UBXN4: variants seen among roughly 807,000 people sequenced by gnomAD.
UBXN4 encodes UBX domain protein 4, also known as UBX domain-containing protein 4.
Under a neutral mutation model 66.2 loss-of-function variants are expected in UBXN4, and 35 were observed. The ratio of observed to expected loss-of-function variants is 0.53; its 90% confidence interval spans 0.40 to 0.70. The LOEUF is 0.70. Among genes scored for constraint, UBXN4 ranks in the 30% least tolerant of loss-of-function variants. The probability of loss-of-function intolerance (pLI) is 0.00; values close to 1 mark genes in which losing one functional copy is unlikely to be tolerated. For missense variants in UBXN4, 533 were observed against 599.8 expected, an observed-to-expected ratio of 0.89 and a Z score of 1.16; for synonymous variants, 203 against 204.5, an observed-to-expected ratio of 0.99 and a Z score of 0.06.
chr2:135,754,271 C>A lies in UBXN4; in HGVS notation c.327C>A (p.Val109=). Reference sequence around the variant, plus strand: ...AACTTGTTACAAGAATTCACAAGGTCCGACAGGTAAGAAGGAACAGAACTG... The same window carrying A: ...AACTTGTTACAAGAATTCACAAGGTACGACAGGTAAGAAGGAACAGAACTG... ...ADELVTRIHK[V]RQMHLLKSET... Residue 109 remains valine (V), a synonymous_variant, in exon 4 of 13, where the codon GTC becomes GTA. Transcript: ENST00000272638. 1 of 1,611,538 alleles carries A rather than the reference C, an allele frequency of 6.2e-7. No individual in the cohort carries two copies. The highest frequency in any genetic ancestry group is 1.3e-5 in the African/African-American group (1 of 74,950).
chr2:135,780,235 C>T lies in UBXN4; in HGVS notation c.1238C>T (p.Thr413Ile). The T allele has an allele frequency of 6.2e-7, 1 of 1,614,060 alleles. No individual in the cohort carries two copies. Among genetic ancestry groups the T allele is most frequent in the Non-Finnish European group, 8.5e-7 (1 of 1,180,012 alleles). ...CACTCTTCCAGCGGAGACATTTGGA[C>T]CTTGTTGGGAACAGTGCTTTATCCA... ...IVHSSSGDIWTLLGTVLYPFL... is the reference protein window; with the variant it reads ...IVHSSSGDIWILLGTVLYPFL... The change falls in exon 12 of 13, where the codon ACC becomes ATC. Residue 413 changes from threonine to isoleucine, a missense_variant. By Grantham distance (89) the Thr-to-Ile change is moderately conservative (BLOSUM62 -1). Transcript: ENST00000272638.
intron 5 of UBXN4, among the ~76,000 whole-genome samples, chr2:135,758,415 A>G (rs181780312): frequency 1.3e-4 from 20 of 151,652 alleles, no homozygotes; most frequent in African/African-American, 3.1e-4. Context: ...GGGTCTCACT[A>G]TGTTGCTTAG....
chr2:135,779,167 G>A (rs1003475502), intron 11 of UBXN4, 88 bp downstream of exon 11: 21 of 1,357,576 alleles, frequency 1.5e-5, no homozygotes, highest in Admixed American at 5.3e-5. Context: ...GAAAGGAAGT[G>A]CACAGATATA....
intron 2 of UBXN4, among the ~76,000 whole-genome samples, chr2:135,749,415 A>G (rs955250104): frequency 2.6e-5 from 4 of 152,198 alleles, no homozygotes; most frequent in Admixed American, 1.3e-4. Flanking sequence ...CATCTTTTAA[A>G]AAAATTTTTG....
At chr2:135,756,045 G>C (rs898129351) in intron 5 of UBXN4, among the ~76,000 whole-genome samples, 2 of 152,108 alleles carry the variant, frequency 1.3e-5, no homozygotes, top group Non-Finnish European at 2.9e-5. Context: ...ATTTGGAATT[G>C]TTTCTATAAC....
At chr2:135,764,167 A>T (rs1208237540) in intron 6 of UBXN4, among the ~76,000 whole-genome samples, 4 of 152,138 alleles carry the variant, frequency 2.6e-5, no homozygotes, top group Admixed American at 2.6e-4. Flanking sequence ...AGCAGGATGG[A>T]TTAGCAAATG....
chr2:135,748,853 G>C (rs1352939358), intron 2 of UBXN4, among the ~76,000 whole-genome samples: 2 of 151,698 alleles, frequency 1.3e-5, no homozygotes, highest in African/African-American at 4.8e-5. Flanking sequence ...AACACAGTGA[G>C]ACCTTGTCTC....
At chr2:135,745,875 C>CTTTTTATTTTTTTTTT (rs2077204367) in intron 1 of UBXN4, among the ~76,000 whole-genome samples, 1 of 74,396 alleles carries the variant, frequency 1.3e-5, no homozygotes, top group Non-Finnish European at 2.3e-5. Flanking sequence ...GTCCCGTTTA[C>CTTTTTATTTTTTTTTT]TTTTTTTTTT....
intron 2 of UBXN4, among the ~76,000 whole-genome samples, chr2:135,749,637 T>G (rs1454309899): frequency 6.6e-6 from 1 of 152,212 alleles, no homozygotes; most frequent in Non-Finnish European, 1.5e-5. Flanking sequence ...AGTATAAGTA[T>G]TGTTAATTTT....
In UBXN4 at chr2:135,753,549, C is replaced by T. The variant is rs745864204; in HGVS notation, c.196C>T (p.Leu66=). 47 of 1,528,044 alleles carry T rather than the reference C, an allele frequency of 3.1e-5. No homozygotes were observed. The highest frequency in any genetic ancestry group is 1.7e-4 in the Middle Eastern group (1 of 5,844). 94.7% of individuals were successfully genotyped at this position (1,528,044 alleles called of 1,614,324 possible). The change falls in exon 3 of 13, where the codon CTA becomes TTA. Residue 66 remains leucine (L), a synonymous_variant. Coordinates refer to ENST00000272638, the MANE Select transcript of UBXN4 (RefSeq NM_014607.4). ...IKIDTKSEAC[L]QFSQIYPVVC... ...GATTTTGTTTTACAGTGAAGCCTGC[C>T]TACAGTTTTCACAAATCTGTATCCT...
intron 6 of UBXN4, among the ~76,000 whole-genome samples, chr2:135,762,893 T>C (rs2077323814): frequency 6.6e-6 from 1 of 152,070 alleles, no homozygotes. Flanking sequence ...GAAGTGAAAA[T>C]AAAAAATCTG....
chr2:135,759,538 T>G (rs1039139696), intron 5 of UBXN4, among the ~76,000 whole-genome samples: 3 of 152,154 alleles, frequency 2.0e-5, no homozygotes, highest in Admixed American at 1.3e-4. Context: ...CTCTATCCCC[T>G]TTATTCCTCT....
At chr2:135,750,538 T>A (rs973372312) in intron 2 of UBXN4, among the ~76,000 whole-genome samples, 3 of 152,082 alleles carry the variant, frequency 2.0e-5, no homozygotes, top group Non-Finnish European at 4.4e-5. Flanking sequence ...AAAAAATAAA[T>A]TCAGAAATTT....
chr2:135,752,733 T>C (rs1262081106), intron 2 of UBXN4, among the ~76,000 whole-genome samples: 3 of 152,194 alleles, frequency 2.0e-5, no homozygotes, highest in Admixed American at 1.3e-4. Flanking sequence ...TAGTTCTTTC[T>C]CTTTTGAGAT....
At chr2:135,770,078 G>A (rs528209280) in intron 7 of UBXN4, among the ~76,000 whole-genome samples, 1 of 152,070 alleles carries the variant, frequency 6.6e-6, no homozygotes, top group African/African-American at 2.4e-5. Flanking sequence ...AAGAATAAAG[G>A]GACTTGAGCT....
chr2:135,770,813 C>G (rs1278478247), intron 8 of UBXN4, 78 bp downstream of exon 8: 10 of 1,278,952 alleles, frequency 7.8e-6, no homozygotes, highest in Non-Finnish European at 1.0e-5. Flanking sequence ...AGACTGTGCA[C>G]ACAAAAATAG....
Position 135,783,913 on chromosome 2 carries a change from CAG to C in UBXN4, c.*1027_*1028del, listed in dbSNP as rs1399640473. 3.3e-5 allele frequency: 5 copies of C among 152,150 alleles called. No homozygotes were observed. The highest frequency in any genetic ancestry group is 7.2e-5 in the African/African-American group (3 of 41,438). The allele number at this position is 152,150 out of a possible 1,614,324, so 9.4% of individuals were successfully genotyped here. A position where few individuals can be genotyped will look rare whatever the true frequency, so the allele number is the denominator to read the frequency against. ...CCGCTAAACTAATGATGTTTGAAAA[CAG>C]TTCCTCTGTTTTAGATTGGAAGATA... On this transcript the variant is annotated 3_prime_UTR_variant, in exon 13 of 13. Coordinates refer to ENST00000272638, the MANE Select transcript of UBXN4 (RefSeq NM_014607.4).
intron 6 of UBXN4, among the ~76,000 whole-genome samples, chr2:135,769,353 T>A (rs2077368402): frequency 6.6e-6 from 1 of 152,252 alleles, no homozygotes; most frequent in African/African-American, 2.4e-5. Context: ...GTGTTAGTAA[T>A]TTGGTATTAA....
Position 135,754,166 on chromosome 2 carries a change from A to T in UBXN4, c.222A>T (p.Val74=). 1.9e-6 allele frequency: 3 copies of T among 1,611,662 alleles called. No individual in the cohort carries two copies. The highest frequency in any genetic ancestry group is 2.5e-6 in the Non-Finnish European group (3 of 1,177,784). ...CTTCATTAAACTGTACAGATCCTGT[A>T]GTGTGTGTTCCATCCAGTTTCTTTA... The part of the protein sequence containing the change: ...ACLQFSQIYP[V]VCVPSSFFIG... Residue 74 remains valine, a synonymous_variant, in exon 4 of 13, where the codon GTA becomes GTT. Transcript: ENST00000272638.
Sources: gnomAD v4.1 joint callset for allele counts (sites outside exome capture counted in the v4.1 genomes callset) on GRCh38, gnomAD v4.1.1 for gene constraint, MANE v1.5 for transcripts, NCBI Gene and HGNC (gene_info 2026-07-23, HGNC 2026-07-21) for gene names.